The following GALNT13 variants were observed in gnomAD, a reference collection of about 807,000 sequenced individuals.
The protein encoded by GALNT13 is UDP-GalNAc:polypeptide N-acetylgalactosaminyltransferase 13.
In GALNT13, 28 loss-of-function variants were observed where a neutral mutation model predicts 64.2. The observed-to-expected ratio is 0.44, with a 90% CI of 0.32 to 0.60. The LOEUF is 0.60. Ranked by LOEUF, GALNT13 falls within the 20% of genes least tolerant of loss-of-function variation. The pLI is 0.05. For missense variants in GALNT13, 577 were observed against 669.8 expected, an observed-to-expected ratio of 0.86 and a Z score of 1.53; for synonymous variants, 214 against 224.6, an observed-to-expected ratio of 0.95 and a Z score of 0.42.
At chr2:153,571,115 T>C in the GALNT13 span, among the ~76,000 whole-genome samples, 2 of 152,074 alleles carry the variant, frequency 1.3e-5, no homozygotes, top group Non-Finnish European at 2.9e-5. Context: ...CATTTTTTGG[T>C]GTCCCCTTCA....
chr2:153,567,620 A>C, the GALNT13 span, among the ~76,000 whole-genome samples: 1 of 152,260 alleles, frequency 6.6e-6, no homozygotes, highest in Non-Finnish European at 1.5e-5. Context: ...AAGGGAACAC[A>C]GATATCTGTC....
intron 3 of GALNT13, among the ~76,000 whole-genome samples, chr2:154,123,788 C>A (rs758701216): frequency 2.0e-5 from 3 of 151,956 alleles, no homozygotes; most frequent in Non-Finnish European, 4.4e-5. Context: ...CTGTATAATT[C>A]TATGTGTACA....
At chr2:153,978,011 A>AT (rs1431252093) in intron 3 of GALNT13, among the ~76,000 whole-genome samples, 1 of 152,154 alleles carries the variant, frequency 6.6e-6, no homozygotes, top group African/African-American at 2.4e-5. Flanking sequence ...GATGCTATTC[A>AT]TGCCTCAGCT....
At chr2:154,026,201 A>G (rs1352381116) in intron 3 of GALNT13, among the ~76,000 whole-genome samples, 1 of 152,222 alleles carries the variant, frequency 6.6e-6, no homozygotes, top group Non-Finnish European at 1.5e-5. Flanking sequence ...CTAATATTAC[A>G]CTACTAGAGG....
At chr2:154,196,395 G>A (rs1400850635) in intron 4 of GALNT13, among the ~76,000 whole-genome samples, 3 of 152,148 alleles carry the variant, frequency 2.0e-5, no homozygotes, top group African/African-American at 7.2e-5. Flanking sequence ...AAACAGAAGA[G>A]TTCATGCTTG....
chr2:153,926,288 A>G (rs1321521346), intron 2 of GALNT13: 1 of 151,970 alleles, frequency 6.6e-6, no homozygotes, highest in Non-Finnish European at 1.5e-5. Context: ...TTTTCTGAAG[A>G]TTTAATTGGA....
At chr2:153,520,602 C>T in the GALNT13 span, among the ~76,000 whole-genome samples, 1 of 152,100 alleles carries the variant, frequency 6.6e-6, no homozygotes, top group Admixed American at 6.5e-5. Flanking sequence ...AGAGTTTTAT[C>T]TTAATGCTCG....
the GALNT13 span, among the ~76,000 whole-genome samples, chr2:153,424,527 T>A: frequency 1.3e-5 from 2 of 151,882 alleles, no homozygotes; most frequent in African/African-American, 4.8e-5. Context: ...TTAGAAAGAA[T>A]GTTATATTCC....
Position 154,309,117 on chromosome 2 carries a change from C to T in GALNT13, c.1156+7528C>T, listed in dbSNP as rs181701922. On this transcript the variant is annotated intron_variant, in intron 9 of 12. Coordinates refer to ENST00000392825, the MANE Select transcript of GALNT13 (RefSeq NM_052917.4). ...TTGCCGTTAAAGTGTGAACTATCTA[C>T]ATGAGCACATGTAATTAGTTTAAAT... Among the ~76,000 whole-genome samples, 5 of 152,278 alleles carry T rather than the reference C, an allele frequency of 3.3e-5. No homozygotes were observed. The East Asian group carries it at 9.6e-4, about 29-fold the overall frequency.
At chr2:154,418,004 TTCAA>T (rs1179852547) in intron 11 of GALNT13, among the ~76,000 whole-genome samples, 9 of 152,200 alleles carry the variant, frequency 5.9e-5, no homozygotes, top group African/African-American at 2.2e-4. Context: ...TATGTTGTCA[TTCAA>T]TTATGTATGT....
intron 3 of GALNT13, among the ~76,000 whole-genome samples, chr2:154,027,253 C>T (rs1255431005): frequency 1.3e-5 from 2 of 152,130 alleles, no homozygotes; most frequent in Non-Finnish European, 2.9e-5. Context: ...TTTAGCTATT[C>T]CATCTGCCTT....
At chr2:153,258,281 T>TC in the GALNT13 span, among the ~76,000 whole-genome samples, 3 of 152,062 alleles carry the variant, frequency 2.0e-5, no homozygotes, top group African/African-American at 2.4e-5. Context: ...CTCAGTGGCT[T>TC]CCCCCCACCC....
chr2:154,288,327 G>A (rs1234628544), intron 8 of GALNT13, among the ~76,000 whole-genome samples: 4 of 152,020 alleles, frequency 2.6e-5, no homozygotes, highest in Non-Finnish European at 5.9e-5. Context: ...TTCACGATGA[G>A]ATTTGGGTGG....
At chr2:153,966,084 C>T (rs1693314451) in intron 3 of GALNT13, among the ~76,000 whole-genome samples, 1 of 151,908 alleles carries the variant, frequency 6.6e-6, no homozygotes, top group African/African-American at 2.4e-5. Flanking sequence ...TCTTTTGTTT[C>T]AGATTGAAGA....
intron 4 of GALNT13, among the ~76,000 whole-genome samples, chr2:154,141,096 A>G (rs1309220410): frequency 6.6e-6 from 1 of 152,136 alleles, no homozygotes; most frequent in Non-Finnish European, 1.5e-5. Flanking sequence ...AACACGGTGT[A>G]ACAGATAAAA....
the GALNT13 span, among the ~76,000 whole-genome samples, chr2:153,113,933 G>A: frequency 6.6e-6 from 1 of 152,048 alleles, no homozygotes; most frequent in Admixed American, 6.6e-5. Flanking sequence ...TAATAGAAAG[G>A]GAAGGCTTAC....
the GALNT13 span, among the ~76,000 whole-genome samples, chr2:153,176,360 A>G: frequency 6.6e-6 from 1 of 152,168 alleles, no homozygotes; most frequent in East Asian, 1.9e-4. Flanking sequence ...AGGGAGATTG[A>G]AAGAGACAAT....
chr2:153,671,858 G>A, the GALNT13 span, among the ~76,000 whole-genome samples: 1 of 152,012 alleles, frequency 6.6e-6, no homozygotes, highest in Non-Finnish European at 1.5e-5. Flanking sequence ...TGGAGGAAGA[G>A]CTACCAAGAA....
At chr2:153,363,967 A>G in the GALNT13 span, among the ~76,000 whole-genome samples, 1 of 152,216 alleles carries the variant, frequency 6.6e-6, no homozygotes, top group Non-Finnish European at 1.5e-5. Flanking sequence ...ATTTCTGATG[A>G]ACATCAACAC....
Sources: allele counts gnomAD v4.1 joint callset (sites outside exome capture counted in the v4.1 genomes callset), GRCh38; gene constraint gnomAD v4.1.1; transcripts MANE v1.5; gene names NCBI Gene and HGNC (gene_info 2026-07-23, HGNC 2026-07-21).